Variants in CFAP299 observed in about 807,000 individuals in gnomAD.
The protein encoded by CFAP299 is cilia and flagella associated protein 299.
In CFAP299, 21 loss-of-function variants were observed where a neutral mutation model predicts 27.0. The observed-to-expected ratio is 0.78, with a 90% CI of 0.55 to 1.12. CFAP299 has a LOEUF of 1.12. Among genes scored for constraint, CFAP299 ranks in the 50% most tolerant of loss-of-function variants. CFAP299 has a pLI of 0.00. For synonymous variants in CFAP299, 104 were observed against 98.1 expected, an observed-to-expected ratio of 1.06 and a Z score of -0.36; for missense variants, 310 against 276.6, an observed-to-expected ratio of 1.12 and a Z score of -0.86.
intron 2 of CFAP299, among the ~76,000 whole-genome samples, chr4:80,559,500 C>T (rs1438914477): frequency 6.6e-6 from 1 of 152,118 alleles, no homozygotes; most frequent in Non-Finnish European, 1.5e-5. Context: ...AAAAAAGCGC[C>T]TGTGTAAGAA....
chr4:80,873,579 G>T (rs1421245951), intron 4 of CFAP299, among the ~76,000 whole-genome samples: 1 of 152,150 alleles, frequency 6.6e-6, no homozygotes, highest in Non-Finnish European at 1.5e-5. Flanking sequence ...CCATCAGAGA[G>T]AGGAAAAGAT....
chr4:80,710,264 G>A (rs1722064595), intron 3 of CFAP299, among the ~76,000 whole-genome samples: 1 of 152,016 alleles, frequency 6.6e-6, no homozygotes, highest in African/African-American at 2.4e-5. Flanking sequence ...GGATCAACTT[G>A]GTCCAAGGAA....
chr4:80,714,605 G>C (rs948024457), intron 3 of CFAP299, among the ~76,000 whole-genome samples: 2 of 152,080 alleles, frequency 1.3e-5, no homozygotes, highest in African/African-American at 2.4e-5. Context: ...TTTGAGAATA[G>C]ACCTGGAGTC....
At chr4:80,576,931 T>C (rs993549909) in intron 2 of CFAP299, among the ~76,000 whole-genome samples, 2 of 152,168 alleles carry the variant, frequency 1.3e-5, no homozygotes, top group Non-Finnish European at 1.5e-5. Context: ...GGAATGACAA[T>C]AATAGCTGAT....
chr4:80,535,205 T>C (rs1197927546), intron 2 of CFAP299, among the ~76,000 whole-genome samples: 9 of 152,024 alleles, frequency 5.9e-5, no homozygotes, highest in Admixed American at 3.3e-4. Flanking sequence ...ACTTACCTGA[T>C]AGGAAGTTAC....
chr4:80,476,825 G>C (rs1464325038), intron 2 of CFAP299, among the ~76,000 whole-genome samples: 1 of 151,818 alleles, frequency 6.6e-6, no homozygotes, highest in Non-Finnish European at 1.5e-5. Context: ...CTCTTTTCTG[G>C]TCACCCCTTC....
intron 1 of CFAP299, 63 bp from the exon 2 acceptor site, chr4:80,362,687 ATAAG>A (rs200467636): frequency 1.3e-6 from 2 of 1,493,240 alleles, no homozygotes; most frequent in East Asian, 2.3e-5. Flanking sequence ...GATGTAAGAT[ATAAG>A]TAAGTAAGTA....
At chr4:80,726,374 C>G (rs1723162676) in intron 3 of CFAP299, among the ~76,000 whole-genome samples, 1 of 151,938 alleles carries the variant, frequency 6.6e-6, no homozygotes, top group Non-Finnish European at 1.5e-5. Flanking sequence ...ATTAAGTAGT[C>G]ATTGATACTT....
At chr4:80,759,473 G>A (rs577478792) in intron 3 of CFAP299, among the ~76,000 whole-genome samples, 1 of 152,204 alleles carries the variant, frequency 6.6e-6, no homozygotes, top group African/African-American at 2.4e-5. Flanking sequence ...CATCATGGTT[G>A]TGCTTAAAAA....
intron 3 of CFAP299, among the ~76,000 whole-genome samples, chr4:80,808,017 A>G (rs1728953100): frequency 6.8e-6 from 1 of 146,164 alleles, no homozygotes; most frequent in Admixed American, 6.8e-5. Context: ...TTTAAACACT[A>G]TTAGTGAAGA....
intron 3 of CFAP299, among the ~76,000 whole-genome samples, chr4:80,810,840 A>G (rs1236390556): frequency 6.6e-6 from 1 of 152,108 alleles, no homozygotes; most frequent in African/African-American, 2.4e-5. Flanking sequence ...GTTCAGATCC[A>G]ACATATATGG....
At chr4:80,570,987 A>G (rs1735555608) in intron 2 of CFAP299, among the ~76,000 whole-genome samples, 1 of 152,160 alleles carries the variant, frequency 6.6e-6, no homozygotes, top group African/African-American at 2.4e-5. Context: ...TCATTTATAG[A>G]AAGTTCAAAA....
Position 80,583,186 on chromosome 4 carries a change from A to G in CFAP299, c.333+3A>G, listed in dbSNP as rs1736261920. ...ACAATCGCAGTGGAAAACTGAGTGTAAGTACATTTCATCCAACAGCTTAAA... is the reference window on the plus strand; with the variant it reads ...ACAATCGCAGTGGAAAACTGAGTGTGAGTACATTTCATCCAACAGCTTAAA... On this transcript the variant is annotated splice_donor_region_variant and intron_variant, in intron 3 of 5. Coordinates refer to ENST00000358105, the MANE Select transcript of CFAP299 (RefSeq NM_152770.3). 1 of 1,589,400 alleles carries G rather than the reference A, an allele frequency of 6.3e-7. No individual in the cohort carries two copies. Among genetic ancestry groups the G allele is most frequent in the South Asian group, 1.1e-5 (1 of 88,386 alleles).
intron 3 of CFAP299, among the ~76,000 whole-genome samples, chr4:80,861,143 A>G (rs1208548905): frequency 6.6e-6 from 1 of 152,108 alleles, no homozygotes; most frequent in Non-Finnish European, 1.5e-5. Context: ...CCTCGCTGCC[A>G]CCTTGCAGTT....
chr4:80,387,403 C>T (rs746058411), intron 2 of CFAP299: 35 of 1,023,640 alleles, frequency 3.4e-5, no homozygotes, highest in Admixed American at 1.2e-4. Context: ...AGGTGCTGAA[C>T]TTGCTGGGGC....
At chr4:80,471,567 A>AGGGCGG (rs1729994293) in intron 2 of CFAP299, among the ~76,000 whole-genome samples, 1 of 45,170 alleles carries the variant, frequency 2.2e-5, no homozygotes, top group African/African-American at 8.8e-5. Flanking sequence ...GAGACTCAGC[A>AGGGCGG]GGGCGGGGGT....
At chr4:80,649,139 G>C (rs775151571) in intron 3 of CFAP299, 1 of 152,236 alleles carries the variant, frequency 6.6e-6, no homozygotes, top group Non-Finnish European at 1.5e-5. Flanking sequence ...GCGATAGGAG[G>C]AGAGCAGAAA....
chr4:80,823,065 C>T (rs1435287880), intron 3 of CFAP299, among the ~76,000 whole-genome samples: 1 of 152,126 alleles, frequency 6.6e-6, no homozygotes, highest in African/African-American at 2.4e-5. Context: ...GTGAGCATGA[C>T]CTGAAGCTGG....
intron 3 of CFAP299, among the ~76,000 whole-genome samples, chr4:80,691,707 G>A (rs1720709733): frequency 6.6e-6 from 1 of 151,694 alleles, no homozygotes; most frequent in Non-Finnish European, 1.5e-5. Context: ...AATCAGGCAG[G>A]AGAAGGAAAT....
Sources: gnomAD v4.1 joint callset for allele counts (sites outside exome capture counted in the v4.1 genomes callset) on GRCh38, gnomAD v4.1.1 for gene constraint, MANE v1.5 for transcripts, NCBI Gene and HGNC (gene_info 2026-07-23, HGNC 2026-07-21) for gene names.